MYO3B: variants seen among roughly 807,000 people sequenced by gnomAD.
The protein encoded by MYO3B is myosin-IIIb.
Under a neutral mutation model 174.6 loss-of-function variants are expected in MYO3B, and 156 were observed. The observed-to-expected ratio is 0.89, with a 90% confidence interval of 0.78 to 1.02. The LOEUF (loss-of-function observed/expected upper bound fraction) is 1.02, where lower values mean the gene tolerates loss of function less well. MYO3B is among the 50% of genes least tolerant of loss of function. MYO3B has a pLI of 0.00. For synonymous variants in MYO3B, 563 were observed against 569.1 expected (o/e 0.99, Z 0.15); for missense variants, 1,632 against 1,639.4 (o/e 1.00, Z 0.08).
chr2:170,629,563 C>T (rs1451338751), intron 32 of MYO3B, among the ~76,000 whole-genome samples: 2 of 152,168 alleles, frequency 1.3e-5, no homozygotes, highest in Non-Finnish European at 2.9e-5. Context: ...AAAAGCCACA[C>T]AACGGGCTGG....
At chr2:170,587,900 T>C (rs1344764364) in intron 32 of MYO3B, among the ~76,000 whole-genome samples, 1 of 152,174 alleles carries the variant, frequency 6.6e-6, no homozygotes, top group Non-Finnish European at 1.5e-5. Flanking sequence ...GATAAGCTGA[T>C]TATGGAGGAA....
intron 7 of MYO3B, among the ~76,000 whole-genome samples, chr2:170,297,581 A>G (rs556490528): frequency 3.9e-4 from 59 of 152,348 alleles, no homozygotes; most frequent in African/African-American, 1.4e-3. Flanking sequence ...AAGATGAGCC[A>G]TTGAGCTGCA....
chr2:170,364,463 T>C (rs746880905), intron 8 of MYO3B, among the ~76,000 whole-genome samples: 2 of 152,188 alleles, frequency 1.3e-5, no homozygotes, highest in Non-Finnish European at 1.5e-5. Context: ...ATTCACCTCA[T>C]GTTGGCTGGC....
chr2:170,534,013 TTAAG>T (rs1414994038), intron 30 of MYO3B, among the ~76,000 whole-genome samples: 1 of 152,262 alleles, frequency 6.6e-6, no homozygotes, highest in Non-Finnish European at 1.5e-5. Flanking sequence ...TCTTTTTTGC[TTAAG>T]TATGTCCCGT....
chr2:170,307,496 T>G lies in MYO3B; in HGVS notation c.750-27889T>G, dbSNP rs113668121. 2.7e-3 allele frequency among the ~76,000 whole-genome samples: 412 copies of G among 152,340 alleles called. 1 individual carries two copies. Among genetic ancestry groups the G allele is most frequent in the Non-Finnish European group, 4.5e-3 (307 of 68,030 alleles). ...TCAATATAATAGAGAATGTATTGCATATCAGTGGTACATGTGATCCTCTTA... is the reference window on the plus strand; with the variant it reads ...TCAATATAATAGAGAATGTATTGCAGATCAGTGGTACATGTGATCCTCTTA... On this transcript the variant is annotated intron_variant, in intron 7 of 34. Transcript: ENST00000408978.
At chr2:170,357,805 A>G (rs1185644116) in intron 8 of MYO3B, among the ~76,000 whole-genome samples, 3 of 152,252 alleles carry the variant, frequency 2.0e-5, no homozygotes, top group Admixed American at 1.3e-4. Flanking sequence ...ATGTGTCCAC[A>G]TAAAAGCTTG....
intron 28 of MYO3B, among the ~76,000 whole-genome samples, chr2:170,510,164 C>A (rs1687891868): frequency 6.6e-6 from 1 of 152,160 alleles, no homozygotes; most frequent in Admixed American, 6.5e-5. Flanking sequence ...GTCAGTGATG[C>A]AAATGGTTGT....
intron 32 of MYO3B, among the ~76,000 whole-genome samples, chr2:170,629,015 C>T (rs13399773): frequency 6.6e-6 from 1 of 152,044 alleles, no homozygotes; most frequent in Non-Finnish European, 1.5e-5. Context: ...TCAGAGTGAG[C>T]CCAACCGAAG....
intron 20 of MYO3B, 93 bp from the exon 21 acceptor site, chr2:170,405,452 T>C: frequency 8.7e-7 from 1 of 1,154,760 alleles, no homozygotes; most frequent in South Asian, 1.3e-5. Flanking sequence ...CTGAAAGCCC[T>C]TATTCTGAGT....
chr2:170,551,348 AATT>A (rs1406955276), intron 32 of MYO3B, among the ~76,000 whole-genome samples: 80 of 143,788 alleles, frequency 5.6e-4, no homozygotes, highest in African/African-American at 2.0e-3. Flanking sequence ...AATTTAATTT[AATT>A]ATTTATTTAT....
At position 170,382,001 on chromosome 2, in the gene MYO3B, T is replaced by C; in HGVS notation, c.972-15T>C. Reference sequence around the variant, plus strand: ...TTGCTGTCTTAATGCTTAAACTCTCTTGATAAATTTCTAGGCATGAGAGGA... The same window carrying C: ...TTGCTGTCTTAATGCTTAAACTCTCCTGATAAATTTCTAGGCATGAGAGGA... On this transcript the variant is annotated splice_polypyrimidine_tract_variant and intron_variant, in intron 9 of 34. Transcript: ENST00000408978. 6.2e-7 allele frequency: 1 copy of C among 1,607,112 alleles called. No homozygotes were observed. Among genetic ancestry groups the C allele is most frequent in the Non-Finnish European group, 8.5e-7 (1 of 1,174,244 alleles).
intron 24 of MYO3B, among the ~76,000 whole-genome samples, chr2:170,464,710 G>A (rs1268494477): frequency 1.3e-5 from 2 of 152,080 alleles, no homozygotes; most frequent in East Asian, 3.8e-4. Context: ...TGGAAGGTGG[G>A]CCCCTGCCTC....
chr2:170,637,594 T>G (rs573715155), intron 32 of MYO3B, among the ~76,000 whole-genome samples: 1 of 145,156 alleles, frequency 6.9e-6, no homozygotes, highest in African/African-American at 2.5e-5. Context: ...AGGGAGGGCA[T>G]GAGAAGTCAT....
chr2:170,420,458 C>T (rs2094607311), intron 22 of MYO3B, among the ~76,000 whole-genome samples: 1 of 152,056 alleles, frequency 6.6e-6, no homozygotes, highest in Non-Finnish European at 1.5e-5. Context: ...AACCACAGAG[C>T]TTTTGCAGAC....
intron 9 of MYO3B, among the ~76,000 whole-genome samples, chr2:170,378,838 C>T (rs2094313528): frequency 6.6e-6 from 1 of 152,144 alleles, no homozygotes; most frequent in Non-Finnish European, 1.5e-5. Flanking sequence ...CTCAGGCTGC[C>T]ATTAAATCCA....
chr2:170,178,238 G>A lies in MYO3B; in HGVS notation c.-50G>A, dbSNP rs532782176. The A allele has an allele frequency of 3.1e-6, 5 of 1,612,968 alleles. No homozygotes were observed. Among genetic ancestry groups the A allele is most frequent in the African/African-American group, 2.7e-5 (2 of 74,904 alleles). On this transcript the variant is annotated 5_prime_UTR_variant, in exon 1 of 35. Coordinates refer to ENST00000408978, the MANE Select transcript of MYO3B (RefSeq NM_138995.5). ...CTGAAGTGTTCTGCTGGTTTTTGGAGGAATGAGAATCCAATCTCTCATAAG... is the reference window on the plus strand; with the variant it reads ...CTGAAGTGTTCTGCTGGTTTTTGGAAGAATGAGAATCCAATCTCTCATAAG...
chr2:170,579,156 T>C (rs1692974976), intron 32 of MYO3B, among the ~76,000 whole-genome samples: 1 of 152,160 alleles, frequency 6.6e-6, no homozygotes. Flanking sequence ...GATCATCAAA[T>C]GTAAAGATTT....
At position 170,406,447 on chromosome 2, in the gene MYO3B, A is replaced by C. The variant is rs975101376; in HGVS notation, c.2520+814A>C. ...AATTCTAGTACAAGGGAAGGGGATT[A>C]TTTTTCTCTCCACATAGTACTTTAT... is the stretch of plus-strand genomic sequence containing the variant. On this transcript the variant is annotated intron_variant, in intron 21 of 34. Coordinates refer to ENST00000408978, the MANE Select transcript of MYO3B (RefSeq NM_138995.5). Among the ~76,000 whole-genome samples, 4 of 152,150 alleles carry C rather than the reference A, an allele frequency of 2.6e-5. No individual in the cohort carries two copies. The East Asian group carries it at 7.7e-4, about 29-fold the overall frequency.
chr2:170,584,273 G>A (rs1162974369), intron 32 of MYO3B, among the ~76,000 whole-genome samples: 1 of 152,126 alleles, frequency 6.6e-6, no homozygotes, highest in Non-Finnish European at 1.5e-5. Flanking sequence ...TGAGGTGTGG[G>A]TATTTATATC....
Sources: allele counts gnomAD v4.1 joint callset (sites outside exome capture counted in the v4.1 genomes callset), GRCh38; gene constraint gnomAD v4.1.1; transcripts MANE v1.5; gene names NCBI Gene and HGNC (gene_info 2026-07-23, HGNC 2026-07-21).